Variants in PRR36 observed in about 807,000 individuals in gnomAD.
PRR36 encodes proline rich 36, also known as proline-rich protein 36.
A neutral mutation model predicts 58.6 loss-of-function variants in PRR36; 30 were observed. The observed-to-expected ratio is 0.51, with a 90% CI of 0.38 to 0.69. The LOEUF is 0.69. Among genes scored for constraint, PRR36 ranks in the 30% least tolerant of loss-of-function variants. The pLI, the probability that PRR36 is intolerant of heterozygous loss-of-function variation, is 0.00. For missense variants in PRR36, 1,692 were observed against 1,805.6 expected, an observed-to-expected ratio of 0.94 and a Z score of 1.14; for synonymous variants, 771 against 829.3, an observed-to-expected ratio of 0.93 and a Z score of 1.21.
At position 7,871,701 on chromosome 19, in the gene PRR36, G is replaced by A. The variant is rs1006315891; in HGVS notation, c.1543C>T (p.Leu515=). 3.3e-6 allele frequency: 5 copies of A among 1,535,954 alleles called. No individual in the cohort carries two copies. The highest frequency in any genetic ancestry group is 1.4e-5 in the African/African-American group (1 of 73,026). ...PPSLQATPHT[L]ATLPLQDSPL... ...GAGTCCTGCAGAGGAAGAGTGGCCAGAGTGTGGGGCGTGGCCTGGAGAGAG... is the reference window on the plus strand; with the variant it reads ...GAGTCCTGCAGAGGAAGAGTGGCCAAAGTGTGGGGCGTGGCCTGGAGAGAG... The change falls in exon 5 of 6, where the codon CTG becomes TTG. Residue 515 remains leucine (L), a synonymous_variant. Transcript: ENST00000618550.
chr19:7,871,486 G>T lies in PRR36; in HGVS notation c.1758C>A (p.Pro586=). The change falls in exon 5 of 6, where the codon CCC becomes CCA. Residue 586 remains proline, a synonymous_variant. Transcript: ENST00000618550. The part of the protein sequence containing the change: ...MQAPPSLQTI[P]PIQVPHSLTS... The stretch of plus-strand genomic sequence containing the variant: ...TCAGAGAATGTGGGACCTGTATTGG[G>T]GGAATGGTCTGGAGAGAGGGCGGGG... 1 of 1,535,574 alleles carries T rather than the reference G, an allele frequency of 6.5e-7. No individual in the cohort carries two copies. Among genetic ancestry groups the T allele is most frequent in the Non-Finnish European group, 8.7e-7 (1 of 1,146,726 alleles).
Position 7,871,528 on chromosome 19 carries a change from A to G in PRR36, c.1716T>C (p.Thr572=), listed in dbSNP as rs1397747652. The G allele has an allele frequency of 2.0e-6, 3 of 1,532,674 alleles. No individual in the cohort carries two copies. The highest frequency in any genetic ancestry group is 2.6e-6 in the Non-Finnish European group (3 of 1,145,886). 94.9% of individuals were successfully genotyped at this position (1,532,674 alleles called of 1,614,324 possible). A position where few individuals can be genotyped will look rare whatever the true frequency, so the allele number is the denominator to read the frequency against. Residue 572 remains threonine, a synonymous_variant, in exon 5 of 6, where the codon ACT becomes ACC. Transcript: ENST00000618550. The stretch of plus-strand genomic sequence containing the variant: ...AGGGCGGGGCCTGCATAGGGGGCGT[A>G]GTCATAGAAGGTGGGGCCTGTGGGT... ...PPHPQAPPSM[T]TPPMQAPPSL... is the part of the protein sequence containing the mutation.
chr19:7,870,036 C>A lies in PRR36; in HGVS notation c.3208G>T (p.Ala1070Ser). The A allele has an allele frequency of 3.4e-6, 5 of 1,452,646 alleles. No homozygotes were observed. The highest frequency in any genetic ancestry group is 3.6e-6 in the Non-Finnish European group (4 of 1,108,742). The allele number at this position is 1,452,646 out of a possible 1,614,324, so 90.0% of individuals were successfully genotyped here. Reference protein sequence around the residue: ...PLLQVPPSPPASPTLQAPRRP... With the variant: ...PLLQVPPSPPSSPTLQAPRRP... ...CGTGGGGCCTGCAGGGTGGGTGAGG[C>A]AGGGGGAGAGGGAGGGACCTGCAGA... The change falls in exon 5 of 6, where the codon GCC (alanine) becomes TCC (serine). Residue 1070 changes from alanine (A) to serine (S), a missense_variant. By Grantham distance (99) the Ala-to-Ser change is moderately conservative. Transcript: ENST00000618550.
intron 5 of PRR36, 22 bp from the exon 6 acceptor site, chr19:7,869,566 G>A (rs888175901): frequency 2.6e-6 from 4 of 1,513,640 alleles, no homozygotes; most frequent in Non-Finnish European, 3.5e-6. Context: ...GACGCCAGGT[G>A]GGCCGTGGGG....
rs1204700073 is a variant in PRR36 at position 7,871,931 on chromosome 19, T to G, written c.1313A>C (p.Gln438Pro). The change falls in exon 5 of 6, where the codon CAA becomes CCA. Residue 438 changes from glutamine to proline, a missense_variant. Gln to Pro is a moderately conservative substitution (Grantham distance 76). Coordinates refer to ENST00000618550, the MANE Select transcript of PRR36 (RefSeq NM_001190467.2). Reference protein sequence around the residue: ...SSPLQSMPPTQANPALPSLPT... With the variant: ...SSPLQSMPPTPANPALPSLPT... ...AAGAGAGGGCAACGCTGGATTAGCT[T>G]GGGTGGGGGGCATACTCTGCAGAGG... 6.5e-7 allele frequency: 1 copy of G among 1,534,022 alleles called. No individual in the cohort carries two copies. Among genetic ancestry groups the G allele is most frequent in the African/African-American group, 1.4e-5 (1 of 72,318 alleles).
rs1375481773 is a variant in PRR36 at position 7,874,060 on chromosome 19, G to C, written c.-8+226C>G. On this transcript the variant is annotated intron_variant, in intron 1 of 5. Coordinates refer to ENST00000618550, the MANE Select transcript of PRR36 (RefSeq NM_001190467.2). The surrounding 1 kb of genome is among the most constrained non-coding windows in gnomAD (Gnocchi z 6.0). ...GAGCGGGGGACTGCCACGGGCTCAG[G>C]ATGTCGCATCCCTCCAGACCCGGAG... Among the ~76,000 whole-genome samples, 1 of 152,144 alleles carries C rather than the reference G, an allele frequency of 6.6e-6. No homozygotes were observed. The highest frequency in any genetic ancestry group is 1.5e-5 in the Non-Finnish European group (1 of 67,986).
rs977662410 is a variant in PRR36 at position 7,869,079 on chromosome 19, G to C, written c.3995C>G (p.Ser1332Cys). ...VTSFSPDDVA[S>C]PQGDWTVVEV... ...CACCACGGTCCAGTCACCCTGCGGG[G>C]AGGCCACGTCGTCCGGAGAGAAGCT... The change falls in exon 6 of 6, where the codon TCC becomes TGC. Residue 1332 changes from serine (S) to cysteine (C), a missense_variant. This residue lies in a region of PRR36 where 485 missense variants were observed against 549.2 expected (regional missense o/e 0.88). Coordinates refer to ENST00000618550, the MANE Select transcript of PRR36 (RefSeq NM_001190467.2). 4.6e-6 allele frequency: 7 copies of C among 1,534,606 alleles called. No individual in the cohort carries two copies. In the South Asian group the frequency reaches 8.3e-5, roughly 18 times the overall value.
In PRR36 at chr19:7,871,090, G is replaced by A. The variant is rs949788024; in HGVS notation, c.2154C>T (p.Ala718=). The change falls in exon 5 of 6, where the codon GCC becomes GCT. Residue 718 remains alanine, a synonymous_variant. Coordinates refer to ENST00000618550, the MANE Select transcript of PRR36 (RefSeq NM_001190467.2). ...CAGGAGGTGTCTGCAGAGAGGGTGG[G>A]GCTAGGGAAGATTGGGTCTCCAGAG... ...MPPLETQSSL[A]PPSLQTPPAS... is the part of the protein sequence containing the mutation. The A allele has an allele frequency of 2.0e-6, 3 of 1,531,978 alleles. No homozygotes were observed. Among genetic ancestry groups the A allele is most frequent in the East Asian group, 2.4e-5 (1 of 40,910 alleles). 94.9% of individuals were successfully genotyped at this position (1,531,978 alleles called of 1,614,324 possible).
In PRR36 at chr19:7,873,584, G is replaced by C; in HGVS notation, c.106C>G (p.Pro36Ala). 1 of 1,534,502 alleles carries C rather than the reference G, an allele frequency of 6.5e-7. No individual in the cohort carries two copies. The highest frequency in any genetic ancestry group is 1.2e-5 in the South Asian group (1 of 84,016). Residue 36 changes from proline to alanine, a missense_variant, in exon 2 of 6, where the codon CCT becomes GCT. Physicochemically the swap from Pro to Ala is conservative, Grantham distance 27. Around this residue, in one of 5 missense-constraint regions of PRR36, gnomAD observed 975 missense variants for 955.2 expected, o/e 1.02. Transcript: ENST00000618550. This position sits in a 1 kb window ranked among gnomAD's most constrained non-coding sequence, Gnocchi z 5.0. Reference protein sequence around the residue: ...TPRPPGSPRPPPPVTPAALRV... With the variant: ...TPRPPGSPRPAPPVTPAALRV... ...AGGGCTGCGGGAGTTACTGGGGGAG[G>C]GGGTCGAGGAGAGCCTGGGGGCCTG... is the stretch of plus-strand genomic sequence containing the variant.
chr19:7,870,493 G>A lies in PRR36; in HGVS notation c.2751C>T (p.Ala917=). The change falls in exon 5 of 6, where the codon GCC becomes GCT. Residue 917 remains alanine (A), a synonymous_variant. Transcript: ENST00000618550. ...VSPSATPPSQ[A]PPSLAAPPLQ... is the part of the protein sequence containing the mutation. Reference sequence around the variant, plus strand: ...GAGGAGGTGCGGCTAGAGAGGGTGGGGCCTGTGAAGGGGGCGTGGCCGAAG... The same window carrying A: ...GAGGAGGTGCGGCTAGAGAGGGTGGAGCCTGTGAAGGGGGCGTGGCCGAAG... 1 of 1,140,312 alleles carries A rather than the reference G, an allele frequency of 8.8e-7. No homozygotes were observed. The highest frequency in any genetic ancestry group is 1.1e-6 in the Non-Finnish European group (1 of 909,918). The allele number at this position is 1,140,312 out of a possible 1,614,324, so 70.6% of individuals were successfully genotyped here.
Position 7,871,923 on chromosome 19 carries a change from G to C in PRR36, c.1321C>G (p.Pro441Ala). The C allele has an allele frequency of 6.5e-7, 1 of 1,535,900 alleles. No individual in the cohort carries two copies. The highest frequency in any genetic ancestry group is 8.7e-7 in the Non-Finnish European group (1 of 1,146,842). ...LQSMPPTQAN[P>A]ALPSLPTLLS... ...AGAGTCGGAAGAGAGGGCAACGCTGGATTAGCTTGGGTGGGGGGCATACTC... is the reference window on the plus strand; with the variant it reads ...AGAGTCGGAAGAGAGGGCAACGCTGCATTAGCTTGGGTGGGGGGCATACTC... Residue 441 changes from proline (P) to alanine (A), a missense_variant, in exon 5 of 6, where the codon CCA becomes GCA. Pro to Ala is a conservative substitution (Grantham distance 27). Around this residue, in one of 5 missense-constraint regions of PRR36, gnomAD observed 975 missense variants for 955.2 expected, o/e 1.02. Coordinates refer to ENST00000618550, the MANE Select transcript of PRR36 (RefSeq NM_001190467.2).
At position 7,869,005 on chromosome 19, in the gene PRR36, G is replaced by T. The variant is rs1226625893; in HGVS notation, c.*28C>A. On this transcript the variant is annotated 3_prime_UTR_variant, in exon 6 of 6. Transcript: ENST00000618550. ...GGGGCGGATCCTAAGGCAGGGGTGGGGTGTAGCAGGCGGGGCTGTGGTCTG... is the reference window on the plus strand; with the variant it reads ...GGGGCGGATCCTAAGGCAGGGGTGGTGTGTAGCAGGCGGGGCTGTGGTCTG... 2.0e-6 allele frequency: 3 copies of T among 1,484,680 alleles called. No individual in the cohort carries two copies. The highest frequency in any genetic ancestry group is 2.7e-6 in the Non-Finnish European group (3 of 1,119,604). 92.0% of individuals were successfully genotyped at this position (1,484,680 alleles called of 1,614,324 possible).
In PRR36 at chr19:7,869,195, G is replaced by A. The variant is rs1224675864; in HGVS notation, c.3879C>T (p.Ala1293=). 1 of 1,532,286 alleles carries A rather than the reference G, an allele frequency of 6.5e-7. No homozygotes were observed. The highest frequency in any genetic ancestry group is 1.4e-5 in the African/African-American group (1 of 72,564). The allele number at this position is 1,532,286 out of a possible 1,614,324, so 94.9% of individuals were successfully genotyped here. ...GAEGGGVTGG[A]RAALSDAELG... ...GTTCGGCGTCGCTGAGTGCAGCCCG[G>A]GCGCCCCCTGTGACGCCACCACCCT... The change falls in exon 6 of 6, where the codon GCC becomes GCT. Residue 1293 remains alanine, a synonymous_variant. Transcript: ENST00000618550.
In PRR36 at chr19:7,873,653, C is replaced by T; in HGVS notation, c.37G>A (p.Ala13Thr). 6.5e-7 allele frequency: 1 copy of T among 1,535,218 alleles called. No individual in the cohort carries two copies. Among genetic ancestry groups the T allele is most frequent in the Non-Finnish European group, 8.7e-7 (1 of 1,146,688 alleles). ...GCGCGAGCAGCCGGCGTCCGCGCGG[C>T]GGCCCCTGCCTTCGCCTTGTCTCTC... Reference protein sequence around the residue: ...NKRDKAKAGAAARTPAARAPG... With the variant: ...NKRDKAKAGATARTPAARAPG... The change falls in exon 2 of 6, where the codon GCC (alanine) becomes ACC (threonine). Residue 13 changes from alanine to threonine, a missense_variant. This residue lies in a region of PRR36 where 975 missense variants were observed against 955.2 expected (regional missense o/e 1.02). Transcript: ENST00000618550. This position sits in a 1 kb window ranked among gnomAD's most constrained non-coding sequence, Gnocchi z 5.0.
In PRR36 at chr19:7,870,714, G is replaced by A; in HGVS notation, c.2530C>T (p.Pro844Ser). ...AGAGGAGGCAAGGCCAGGGCAGGTGGGGCCTGTGGAGGGGGCGTGGCCAAA... is the reference window on the plus strand; with the variant it reads ...AGAGGAGGCAAGGCCAGGGCAGGTGAGGCCTGTGGAGGGGGCGTGGCCAAA... ...SPLATPPPQA[P>S]PALALPPLQA... Residue 844 changes from proline (P) to serine (S), a missense_variant, in exon 5 of 6, where the codon CCA becomes TCA. Physicochemically the swap from Pro to Ser is moderately conservative, Grantham distance 74. Coordinates refer to ENST00000618550, the MANE Select transcript of PRR36 (RefSeq NM_001190467.2). 1.4e-6 allele frequency: 2 copies of A among 1,385,280 alleles called. No homozygotes were observed. Among genetic ancestry groups the A allele is most frequent in the Non-Finnish European group, 9.3e-7 (1 of 1,071,844 alleles). 85.8% of individuals were successfully genotyped at this position (1,385,280 alleles called of 1,614,324 possible). A position where few individuals can be genotyped will look rare whatever the true frequency, so the allele number is the denominator to read the frequency against.
chr19:7,871,919 G>T lies in PRR36; in HGVS notation c.1325C>A (p.Ala442Glu). Residue 442 changes from alanine to glutamate, a missense_variant, in exon 5 of 6, where the codon GCG (alanine) becomes GAG (glutamate). Transcript: ENST00000618550. ...GAGGAGAGTCGGAAGAGAGGGCAACGCTGGATTAGCTTGGGTGGGGGGCAT... is the reference window on the plus strand; with the variant it reads ...GAGGAGAGTCGGAAGAGAGGGCAACTCTGGATTAGCTTGGGTGGGGGGCAT... Reference protein sequence around the residue: ...QSMPPTQANPALPSLPTLLSP... With the variant: ...QSMPPTQANPELPSLPTLLSP... 1 of 1,535,916 alleles carries T rather than the reference G, an allele frequency of 6.5e-7. No homozygotes were observed. The highest frequency in any genetic ancestry group is 8.7e-7 in the Non-Finnish European group (1 of 1,146,866).
Position 7,869,162 on chromosome 19 carries a change from G to A in PRR36, c.3912C>T (p.Arg1304=), listed in dbSNP as rs1408578975. 6.5e-7 allele frequency: 1 copy of A among 1,535,404 alleles called. No individual in the cohort carries two copies. Among genetic ancestry groups the A allele is most frequent in the South Asian group, 1.2e-5 (1 of 84,022 alleles). ...RAALSDAELG[R]WAELLSPLDE... ...CCAGGGGAGACAGTAGTTCGGCCCA[G>A]CGGCCGAGTTCGGCGTCGCTGAGTG... The change falls in exon 6 of 6, where the codon CGC becomes CGT. Residue 1304 remains arginine, a synonymous_variant. Coordinates refer to ENST00000618550, the MANE Select transcript of PRR36 (RefSeq NM_001190467.2).
In PRR36 at chr19:7,870,920, AGGG is replaced by A. The variant is rs1366372507; in HGVS notation, c.2321_2323del (p.Pro774del). ...TGGAGTCTCCAGATGGGGTGTGGTCAGGGGAGCAGAAGCTGTCTGCAGAGGAGG... is the reference window on the plus strand; with the variant it reads ...TGGAGTCTCCAGATGGGGTGTGGTCAGAGCAGAAGCTGTCTGCAGAGGAGG... On this transcript the variant is annotated inframe_deletion, in exon 5 of 6. Coordinates refer to ENST00000618550, the MANE Select transcript of PRR36 (RefSeq NM_001190467.2). 3.6e-6 allele frequency: 5 copies of A among 1,396,898 alleles called. No individual in the cohort carries two copies. The highest frequency in any genetic ancestry group is 3.4e-5 in the South Asian group (2 of 59,286). 86.5% of individuals were successfully genotyped at this position (1,396,898 alleles called of 1,614,324 possible). A position where few individuals can be genotyped will look rare whatever the true frequency, so the allele number is the denominator to read the frequency against.
rs1166247370 is a variant in PRR36 at position 7,873,545 on chromosome 19, C to T, written c.145G>A (p.Ala49Thr). ...VTPAALRVLG[A>T]AGAVGRKPLA... ...GGCTTTCGCCCCACTGCTCCCGCAG[C>T]TCCCAGAACTCGGAGGGCTGCGGGA... Residue 49 changes from alanine to threonine, a missense_variant, in exon 2 of 6, where the codon GCT becomes ACT. By Grantham distance (58) the Ala-to-Thr change is moderately conservative. This residue lies in a region of PRR36 where 975 missense variants were observed against 955.2 expected (regional missense o/e 1.02). Coordinates refer to ENST00000618550, the MANE Select transcript of PRR36 (RefSeq NM_001190467.2). The surrounding 1 kb of genome is among the most constrained non-coding windows in gnomAD (Gnocchi z 5.0). The T allele has an allele frequency of 1.3e-6, 2 of 1,535,158 alleles. No individual in the cohort carries two copies. Among genetic ancestry groups the T allele is most frequent in the East Asian group, 4.9e-5 (2 of 40,868 alleles).
Sources: allele counts gnomAD v4.1 joint callset (sites outside exome capture counted in the v4.1 genomes callset), GRCh38; gene constraint gnomAD v4.1.1; regional missense constraint gnomAD v4.1.1; non-coding constraint Gnocchi (gnomAD v3.1); transcripts MANE v1.5; gene names NCBI Gene and HGNC (gene_info 2026-07-23, HGNC 2026-07-21).